The following C5AR2 variants were observed in gnomAD, a reference collection of about 807,000 sequenced individuals.
The protein encoded by C5AR2 is complement C5a receptor 2, also known as C5a anaphylatoxin chemotactic receptor 2.
For missense variants in C5AR2, 458 were observed against 467.5 expected, an observed-to-expected ratio of 0.98 and a Z score of 0.19; for synonymous variants, 224 against 216.5, an observed-to-expected ratio of 1.03 and a Z score of -0.30.
chr19:47,340,576 C>T (rs1968995600), intron 1 of C5AR2, among the ~76,000 whole-genome samples: 1 of 152,088 alleles, frequency 6.6e-6, no homozygotes, highest in Admixed American at 6.6e-5. Flanking sequence ...CTCAAGTGAT[C>T]CACCTGTCTT....
intron 1 of C5AR2, among the ~76,000 whole-genome samples, chr19:47,333,815 G>A (rs961015114): frequency 7.9e-5 from 12 of 151,940 alleles, no homozygotes; most frequent in African/African-American, 2.9e-4. Context: ...TCCTGACCTC[G>A]TGATCCACCT....
intron 1 of C5AR2, among the ~76,000 whole-genome samples, chr19:47,336,478 T>G (rs1326090825): frequency 4.4e-5 from 2 of 45,250 alleles, no homozygotes; most frequent in Admixed American, 4.8e-4. Context: ...CCTTCCTTCC[T>G]TCCTTCCTTC....
At position 47,336,569 on chromosome 19, in the gene C5AR2, G is replaced by A. The variant is rs553208619; in HGVS notation, c.-15-4216G>A. On this transcript the variant is annotated intron_variant, in intron 1 of 1. Transcript: ENST00000595464. Reference sequence around the variant, plus strand: ...GTTGCTCAGGCTGGAGTGCAGTGGCGCGATCATGGCTAACTGCAGCCTCAA... The same window carrying A: ...GTTGCTCAGGCTGGAGTGCAGTGGCACGATCATGGCTAACTGCAGCCTCAA... Among the ~76,000 whole-genome samples, 7 of 151,296 alleles carry A rather than the reference G, an allele frequency of 4.6e-5. No individual in the cohort carries two copies. In the South Asian group the frequency reaches 6.3e-4, roughly 14 times the overall value.
chr19:47,337,965 T>C (rs184635058), intron 1 of C5AR2, among the ~76,000 whole-genome samples: 1 of 151,148 alleles, frequency 6.6e-6, no homozygotes, highest in African/African-American at 2.4e-5. Flanking sequence ...TCCCAGCTAC[T>C]CGGGAGGCTT....
At chr19:47,340,247 G>A (rs1055386943) in intron 1 of C5AR2, among the ~76,000 whole-genome samples, 5 of 151,592 alleles carry the variant, frequency 3.3e-5, no homozygotes, top group South Asian at 4.2e-4. Context: ...CTGAACCACC[G>A]TGCCCAGCCC....
chr19:47,338,572 T>C (rs1173849300), intron 1 of C5AR2, among the ~76,000 whole-genome samples: 2 of 149,262 alleles, frequency 1.3e-5, no homozygotes, highest in East Asian at 1.9e-4. Flanking sequence ...TCCCAGCAGT[T>C]TGAGAGGCTG....
At chr19:47,338,656 AAATAATAAT>A (rs34869990) in intron 1 of C5AR2, among the ~76,000 whole-genome samples, 19 of 131,688 alleles carry the variant, frequency 1.4e-4, no homozygotes, top group South Asian at 5.1e-4. Flanking sequence ...ATGACCTCCA[AAATAATAAT>A]AATAATAATA....
At chr19:47,340,016 G>A (rs2059375997) in intron 1 of C5AR2, among the ~76,000 whole-genome samples, 1 of 151,800 alleles carries the variant, frequency 6.6e-6, no homozygotes, top group African/African-American at 2.4e-5. Context: ...TGGCTGGAGT[G>A]CAGGGGTATG....
In C5AR2 at chr19:47,342,223, C is replaced by CGG. The variant is rs1355806978; in HGVS notation, c.*411_*412insGG. On this transcript the variant is annotated 3_prime_UTR_variant, in exon 2 of 2. Coordinates refer to ENST00000595464, the MANE Select transcript of C5AR2 (RefSeq NM_001271749.2). ...TACAAAAATTAGCCGGGCATGGTGG[C>CGG]GCATGCCTGTAGTCCCAGCTACTTG... 5.5e-5 allele frequency: 9 copies of CGG among 162,492 alleles called. No homozygotes were observed. Among genetic ancestry groups the CGG allele is most frequent in the South Asian group, 3.2e-4 (2 of 6,202 alleles). 10.1% of individuals were successfully genotyped at this position (162,492 alleles called of 1,614,324 possible). A position where few individuals can be genotyped will look rare whatever the true frequency, so the allele number is the denominator to read the frequency against.
chr19:47,345,981 G>C lies in C5AR2; in HGVS notation c.*4168G>C, dbSNP rs1969113783. The C allele has an allele frequency of 6.6e-6, 1 of 152,102 alleles. No individual in the cohort carries two copies. The highest frequency in any genetic ancestry group is 1.5e-5 in the Non-Finnish European group (1 of 68,040). 9.4% of individuals were successfully genotyped at this position (152,102 alleles called of 1,614,324 possible). On this transcript the variant is annotated 3_prime_UTR_variant, in exon 2 of 2. Coordinates refer to ENST00000595464, the MANE Select transcript of C5AR2 (RefSeq NM_001271749.2). ...GGCTCACTGCAACCTCCACCTTCCGGATTCAAGTGATTCTCCTGCCGCAGC... is the reference window on the plus strand; with the variant it reads ...GGCTCACTGCAACCTCCACCTTCCGCATTCAAGTGATTCTCCTGCCGCAGC...
chr19:47,338,270 G>A (rs2059366400), intron 1 of C5AR2, among the ~76,000 whole-genome samples: 1 of 4,818 alleles, frequency 2.1e-4, no homozygotes, highest in African/African-American at 1.6e-3. Flanking sequence ...GCGAGACCCT[G>A]TCTCTAAAAA....
Position 47,337,055 on chromosome 19 carries a change from G to A in C5AR2, c.-15-3730G>A, listed in dbSNP as rs567257658. On this transcript the variant is annotated intron_variant, in intron 1 of 1. Transcript: ENST00000595464. ...GCCAGGTCACTCTGACATTGTGGGG[G>A]TGGGGGGGTGGGGACTCCTGCCTGG... 2.1e-5 allele frequency: 3 copies of A among 143,020 alleles called. No homozygotes were observed. In the East Asian group the frequency reaches 7.5e-4, roughly 36 times the overall value. The allele number at this position is 143,020 out of a possible 1,614,324, so 8.9% of individuals were successfully genotyped here.
rs369445731 is a variant in C5AR2, at chr19:47,341,024, C to T, written c.225C>T (p.His75=). 7.5e-5 allele frequency: 120 copies of T among 1,608,382 alleles called. No individual in the cohort carries two copies. Among genetic ancestry groups the T allele is most frequent in the Non-Finnish European group, 5.6e-5 (66 of 1,179,934 alleles). The part of the protein sequence containing the change: ...RRRVGATWLL[H]LAVADLLCCL... ...GGGTGGGTGCCACCTGGTTGCTCCA[C>T]CTGGCCGTGGCGGATTTGCTGTGCT... Residue 75 remains histidine, a synonymous_variant, in exon 2 of 2, where the codon CAC becomes CAT. Transcript: ENST00000595464. This position sits in a 1 kb window ranked among gnomAD's most constrained non-coding sequence, Gnocchi z 4.6.
At chr19:47,338,171 G>A (rs972926480) in intron 1 of C5AR2, among the ~76,000 whole-genome samples, 4 of 152,054 alleles carry the variant, frequency 2.6e-5, no homozygotes, top group African/African-American at 9.7e-5. Flanking sequence ...AGCTACTCAG[G>A]GGGCAGAGGT....
chr19:47,342,754 A>C lies in C5AR2; in HGVS notation c.*941A>C, dbSNP rs1969064546. 6.6e-6 allele frequency: 1 copy of C among 152,088 alleles called. No homozygotes were observed. Among genetic ancestry groups the C allele is most frequent in the Non-Finnish European group, 1.5e-5 (1 of 68,110 alleles). 9.4% of individuals were successfully genotyped at this position (152,088 alleles called of 1,614,324 possible). ...GGTGTAGGGGCAGTGAAGATCCCAG[A>C]GAGGAGGCTACTGTAATGGTCCAAG... On this transcript the variant is annotated 3_prime_UTR_variant, in exon 2 of 2. Transcript: ENST00000595464.
rs1357275687 is a variant in C5AR2 at position 47,341,777 on chromosome 19, C to T, written c.978C>T (p.Ser326=). Residue 326 remains serine, a synonymous_variant, in exon 2 of 2, where the codon TCC becomes TCT. Transcript: ENST00000595464. The surrounding 1 kb of genome is among the most constrained non-coding windows in gnomAD (Gnocchi z 4.6). ...GQDESVDSKK[S]TSHDLVSEME... Reference sequence around the variant, plus strand: ...ACGAAAGTGTGGACAGCAAGAAATCCACCAGCCATGACCTGGTCTCGGAGA... The same window carrying T: ...ACGAAAGTGTGGACAGCAAGAAATCTACCAGCCATGACCTGGTCTCGGAGA... 1.6e-5 allele frequency: 26 copies of T among 1,613,566 alleles called. No homozygotes were observed. Among genetic ancestry groups the T allele is most frequent in the Non-Finnish European group, 2.1e-5 (25 of 1,180,046 alleles).
chr19:47,341,974 C>CT lies in C5AR2; in HGVS notation c.*162dup. 1.4e-6 allele frequency: 1 copy of CT among 700,626 alleles called. No individual in the cohort carries two copies. Among genetic ancestry groups the CT allele is most frequent in the East Asian group, 2.7e-5 (1 of 36,674 alleles). 43.4% of individuals were successfully genotyped at this position (700,626 alleles called of 1,614,324 possible). On this transcript the variant is annotated 3_prime_UTR_variant, in exon 2 of 2. Transcript: ENST00000595464. This position sits in a 1 kb window ranked among gnomAD's most constrained non-coding sequence, Gnocchi z 4.6. Reference sequence around the variant, plus strand: ...GCTATGTGCAAGGCCTTTTTAGGCACTAGAGATATAGCAGTGACCAAAACA... The same window carrying CT: ...GCTATGTGCAAGGCCTTTTTAGGCACTTAGAGATATAGCAGTGACCAAAACA...
chr19:47,339,272 A>C (rs1390639525), intron 1 of C5AR2, among the ~76,000 whole-genome samples: 1 of 152,048 alleles, frequency 6.6e-6, no homozygotes, highest in Non-Finnish European at 1.5e-5. Flanking sequence ...GTGGCCCTAC[A>C]TGCCGTGGCC....
intron 1 of C5AR2, among the ~76,000 whole-genome samples, chr19:47,338,074 CA>C (rs111780841): frequency 9.6e-5 from 14 of 145,096 alleles, no homozygotes; most frequent in Admixed American, 2.1e-4. Flanking sequence ...GACTCCGTCT[CA>C]AAAAAAAAAA....
Sources: gnomAD v4.1 joint callset for allele counts (sites outside exome capture counted in the v4.1 genomes callset) on GRCh38, gnomAD v4.1.1 for gene constraint, Gnocchi (gnomAD v3.1) non-coding constraint, MANE v1.5 for transcripts, NCBI Gene and HGNC (gene_info 2026-07-23, HGNC 2026-07-21) for gene names.